Variants in IKBKG observed in about 807,000 individuals in gnomAD.
IKBKG encodes the protein inhibitor of nuclear factor kappa B kinase regulatory subunit gamma, also known as NF-kappa-B essential modulator.
Under a neutral mutation model 13.7 loss-of-function variants are expected in IKBKG, and 2 were observed. That is an observed-to-expected ratio of 0.15 (90% CI 0.06 to 0.46). The LOEUF (loss-of-function observed/expected upper bound fraction) is 0.46. Among genes scored for constraint, IKBKG ranks in the 20% least tolerant of loss-of-function variants. The probability of loss-of-function intolerance (pLI) is 0.98; values close to 1 mark genes in which losing one functional copy is unlikely to be tolerated. For missense variants in IKBKG, 53 were observed against 150.3 expected (o/e 0.35, Z 3.39); for synonymous variants, 22 against 64.4 (o/e 0.34, Z 3.15).
chrX:154,546,952 C>T (rs2070749150), upstream of IKBKG: 4 of 393,215 alleles, frequency 1.0e-5, no homozygotes, highest in Non-Finnish European at 1.5e-5. Flanking sequence ...CCTCGGCCAC[C>T]ACCCCTCGTG....
intron 1 of IKBKG, among the ~76,000 whole-genome samples, chrX:154,541,602 C>T (rs185886425): frequency 2.7e-5 from 3 of 111,905 alleles, no homozygotes; most frequent in Non-Finnish European, 3.8e-5. Context: ...AGAGTCTACT[C>T]GTGCCATGTG....
At chrX:154,546,817 C>G, upstream of IKBKG, 1 of 1,163,099 alleles carries the variant, frequency 8.6e-7, no homozygotes, top group Non-Finnish European at 1.1e-6. Flanking sequence ...GCCCTCCGCG[C>G]TCGCAGCCCC....
At chrX:154,554,503 A>T (rs1252179130) in intron 2 of IKBKG, among the ~76,000 whole-genome samples, 1 of 112,526 alleles carries the variant, frequency 8.9e-6, no homozygotes, top group Non-Finnish European at 1.9e-5. Flanking sequence ...TCATGCCTGT[A>T]ATCCGAGCAC....
chrX:154,546,255 C>A, upstream of IKBKG: 2 of 1,104,131 alleles, frequency 1.8e-6, no homozygotes, highest in Non-Finnish European at 2.5e-6. Context: ...GGGTCTCACA[C>A]CAGGGTGACA....
intron 2 of IKBKG, among the ~76,000 whole-genome samples, chrX:154,555,907 T>C (rs1557235959): frequency 2.7e-5 from 3 of 112,285 alleles, no homozygotes; most frequent in Non-Finnish European, 3.8e-5. Flanking sequence ...GAAGCTGATG[T>C]GTTTGGTGTT....
rs1257497286 is a variant in IKBKG at position 154,549,493 on chromosome X, T to C, written c.-16+1748T>C. 2.8e-5 allele frequency among the ~76,000 whole-genome samples: 3 copies of C among 108,510 alleles called. No homozygotes were observed. The East Asian group carries it at 8.6e-4, about 31-fold the overall frequency. 94.2% of individuals were successfully genotyped at this position (108,510 alleles called of 115,157 possible). On this transcript the variant is annotated intron_variant, in intron 1 of 9. Coordinates refer to ENST00000594239, the MANE Select transcript of IKBKG (RefSeq NM_001099857.5). The stretch of plus-strand genomic sequence containing the variant: ...CAGGGTTTTGTCATGTTGGCCAGGC[T>C]GGTCTTGAATTCCTGACCTCAAGTG...
At chrX:154,544,467 G>A (rs1557232709), upstream of IKBKG, among the ~76,000 whole-genome samples, 2 of 112,414 alleles carry the variant, frequency 1.8e-5, no homozygotes, top group Non-Finnish European at 3.8e-5. Flanking sequence ...GCCAATTTTT[G>A]TATTTTAAGT....
intron 1 of IKBKG, chrX:154,548,193 A>G (rs2070811185): frequency 1.7e-6 from 1 of 590,895 alleles, no homozygotes; most frequent in Admixed American, 8.8e-5. Context: ...CTGGCACATT[A>G]GAGGAATAGC....
At chrX:154,545,919 GGGA>G, upstream of IKBKG, 4 of 925,329 alleles carry the variant, frequency 4.3e-6, no homozygotes, top group South Asian at 2.0e-5. Context: ...TAGCAGGAGC[GGGA>G]GGAGGAGCTC....
chrX:154,545,918 C>T, upstream of IKBKG: 1 of 907,397 alleles, frequency 1.1e-6, no homozygotes, highest in Non-Finnish European at 1.6e-6. Flanking sequence ...CTAGCAGGAG[C>T]GGGAGGAGGA....
At chrX:154,546,515 C>A (rs1423714016), upstream of IKBKG, among the ~76,000 whole-genome samples, 1 of 111,703 alleles carries the variant, frequency 9.0e-6, no homozygotes, top group Non-Finnish European at 1.9e-5. Flanking sequence ...GCGGGAACTC[C>A]ACAATGACCT....
upstream of IKBKG, among the ~76,000 whole-genome samples, chrX:154,544,666 C>T (rs1235326481): frequency 2.7e-5 from 3 of 112,161 alleles, no homozygotes; most frequent in Non-Finnish European, 5.6e-5. Context: ...GTGGGCTCCA[C>T]CTGGTACCTC....
At chrX:154,546,910 G>T, upstream of IKBKG, 7 of 797,258 alleles carry the variant, frequency 8.8e-6, no homozygotes, top group Non-Finnish European at 9.8e-6. Flanking sequence ...GGGCTGAGCG[G>T]ACCCGCCTCA....
chrX:154,553,425 A>T (rs2070987904), intron 2 of IKBKG, among the ~76,000 whole-genome samples: 1 of 112,876 alleles, frequency 8.9e-6, no homozygotes, highest in Admixed American at 9.3e-5. Context: ...GGCAGAGACA[A>T]GACCCATGCC....
At chrX:154,545,958 G>A, upstream of IKBKG, 5 of 1,163,746 alleles carry the variant, frequency 4.3e-6, no homozygotes, top group Non-Finnish European at 5.8e-6. Context: ...GTGGGGCCCT[G>A]CAACAATTAG....
chrX:154,551,561 T>G (rs2070933818), intron 1 of IKBKG, among the ~76,000 whole-genome samples: 1 of 111,749 alleles, frequency 8.9e-6, no homozygotes, highest in African/African-American at 3.3e-5. Context: ...TTTTCCCGAA[T>G]CACATATGTT....
At chrX:154,541,300 T>C (rs1219108966) in exon 1 of IKBKG, 1 of 111,548 alleles carries the variant, frequency 9.0e-6, no homozygotes, top group Non-Finnish European at 1.9e-5. Flanking sequence ...TGGGATTAAC[T>C]AGAGATTGAA....
intron 1 of IKBKG, 98 bp downstream of exon 1, chrX:154,547,843 C>T: frequency 2.6e-6 from 2 of 755,030 alleles, no homozygotes; most frequent in Non-Finnish European, 3.1e-6. Flanking sequence ...CTTTTTTGGG[C>T]CCCAGCCCGT....
intron 1 of IKBKG, among the ~76,000 whole-genome samples, chrX:154,549,172 G>A (rs1283610770): frequency 2.7e-5 from 3 of 109,100 alleles, no homozygotes; most frequent in Admixed American, 2.0e-4. Context: ...TAGTAGAGAT[G>A]GGGTTTCATC....
Sources: gnomAD v4.1 joint callset for allele counts (sites outside exome capture counted in the v4.1 genomes callset) on GRCh38, gnomAD v4.1.1 for gene constraint, MANE v1.5 for transcripts, NCBI Gene and HGNC (gene_info 2026-07-23, HGNC 2026-07-21) for gene names.